GYPC: variants seen among roughly 807,000 people sequenced by gnomAD.
The protein encoded by GYPC is glycophorin C (Gerbich blood group), also known as glycophorin-C.
Under a neutral mutation model 12.6 loss-of-function variants are expected in GYPC, and 14 were observed. The observed-to-expected ratio is 1.11, with a 90% CI of 0.74 to 1.74. GYPC has a LOEUF of 1.74. Among genes scored for constraint, GYPC ranks in the 40% most tolerant of loss-of-function variants. The probability of loss-of-function intolerance (pLI) is 0.00; values close to 1 mark genes in which losing one functional copy is unlikely to be tolerated. For missense variants in GYPC, 225 were observed against 172.1 expected (o/e 1.31, Z -1.72); for synonymous variants, 78 against 62.1 (o/e 1.26, Z -1.20).
At position 126,681,076 on chromosome 2, in the gene GYPC, T is replaced by G. The variant is rs140127691; in HGVS notation, c.50-9179T>G. ...TTTCTTCACTGTAAAAATAACACGT[T>G]TTTTGTAGATGACTTGGAAAATACA... On this transcript the variant is annotated intron_variant, in intron 1 of 3. Coordinates refer to ENST00000259254, the MANE Select transcript of GYPC (RefSeq NM_002101.5). Among the ~76,000 whole-genome samples, 843 of 152,318 alleles carry G rather than the reference T, an allele frequency of 5.5e-3. 2 individuals are homozygous for G. The highest frequency in any genetic ancestry group is 0.014 in the Middle Eastern group (4 of 294).
At chr2:126,677,136 TTGTG>T in intron 1 of GYPC, among the ~76,000 whole-genome samples, 1 of 151,432 alleles carries the variant, frequency 6.6e-6, no homozygotes, top group East Asian at 2.0e-4. Context: ...GTGTGCATGT[TTGTG>T]TGTGCACCTG....
At chr2:126,684,302 C>T (rs1015878643) in intron 1 of GYPC, among the ~76,000 whole-genome samples, 2 of 152,202 alleles carry the variant, frequency 1.3e-5, no homozygotes, top group African/African-American at 4.8e-5. Context: ...GCTTTATGCA[C>T]AGATAGGAAG....
At chr2:126,670,911 C>G (rs1270680114) in intron 1 of GYPC, among the ~76,000 whole-genome samples, 1 of 152,210 alleles carries the variant, frequency 6.6e-6, no homozygotes, top group Non-Finnish European at 1.5e-5. Context: ...TGAATCTTTG[C>G]CATAGAGACC....
intron 1 of GYPC, among the ~76,000 whole-genome samples, chr2:126,677,411 A>C (rs1464769987): frequency 6.7e-6 from 1 of 148,884 alleles, no homozygotes; most frequent in East Asian, 2.0e-4. Context: ...TAGAGTGTGT[A>C]AGTGTGTGAG....
In GYPC at chr2:126,656,240, C is replaced by T. The variant is rs747399461; in HGVS notation, c.-24C>T. ...GCCCGGCCTGGCCAGTCCCCGCGGT[C>T]TCTGCCCGGGCTGACGCCCAGGAAT... is the stretch of plus-strand genomic sequence containing the variant. On this transcript the variant is annotated 5_prime_UTR_variant, in exon 1 of 4. Transcript: ENST00000259254. 2.5e-6 allele frequency: 4 copies of T among 1,595,770 alleles called. No homozygotes were observed. In the African/African-American group the frequency reaches 5.4e-5, roughly 21 times the overall value.
chr2:126,659,767 TTTTC>T (rs921498614), intron 1 of GYPC, among the ~76,000 whole-genome samples: 11 of 151,654 alleles, frequency 7.3e-5, no homozygotes, highest in Non-Finnish European at 1.5e-4. Context: ...TTTCTTTTCT[TTTTC>T]TTTCTTTTCT....
At chr2:126,661,086 C>G (rs1414542790) in intron 1 of GYPC, among the ~76,000 whole-genome samples, 2 of 152,236 alleles carry the variant, frequency 1.3e-5, no homozygotes, top group African/African-American at 2.4e-5. Context: ...ATGGCAGAAA[C>G]TGGCAAGAGC....
At chr2:126,678,944 T>C (rs1254925874) in intron 1 of GYPC, 7 of 152,268 alleles carry the variant, frequency 4.6e-5, no homozygotes, top group Admixed American at 1.3e-4. Context: ...AGAAAAACAC[T>C]TTCCACATCC....
chr2:126,692,958 T>A (rs502963), intron 2 of GYPC, among the ~76,000 whole-genome samples: 15 of 151,798 alleles, frequency 9.9e-5, no homozygotes, highest in Admixed American at 2.0e-4. Flanking sequence ...AGATGGGCCA[T>A]TAACACCAGG....
chr2:126,664,200 T>C (rs2104772688), intron 1 of GYPC, among the ~76,000 whole-genome samples: 1 of 152,182 alleles, frequency 6.6e-6, no homozygotes, highest in South Asian at 2.1e-4. Context: ...TTAAAAAATT[T>C]TCATAGTCTT....
intron 1 of GYPC, among the ~76,000 whole-genome samples, chr2:126,674,393 T>C (rs1488059366): frequency 1.3e-5 from 2 of 152,040 alleles, no homozygotes; most frequent in African/African-American, 4.8e-5. Context: ...CTTTCTGAGA[T>C]ACCAAAGCAA....
intron 3 of GYPC, 36 bp from the exon 4 acceptor site, chr2:126,695,910 C>G (rs372622935): frequency 1.9e-6 from 3 of 1,579,928 alleles, no homozygotes; most frequent in African/African-American, 1.3e-5. Flanking sequence ...AGAGCCCCTG[C>G]CTCAGACTGA....
chr2:126,661,633 G>A (rs1022539486), intron 1 of GYPC, among the ~76,000 whole-genome samples: 2 of 152,102 alleles, frequency 1.3e-5, no homozygotes, highest in Non-Finnish European at 2.9e-5. Context: ...TGTATTTTTA[G>A]TATAGACAGG....
chr2:126,656,853 T>C (rs1359932608), intron 1 of GYPC, among the ~76,000 whole-genome samples: 1 of 152,264 alleles, frequency 6.6e-6, no homozygotes, highest in African/African-American at 2.4e-5. Flanking sequence ...AATTCCTCGC[T>C]GCTGGTTTTC....
In GYPC at chr2:126,661,783, A is replaced by G. The variant is rs576586948; in HGVS notation, c.49+5471A>G. On this transcript the variant is annotated intron_variant, in intron 1 of 3. Transcript: ENST00000259254. ...CCAGATGCCCCTTCTCTTATTGCCA[A>G]AACACTGTGGTCACACACTGCTTGG... 7.2e-5 allele frequency among the ~76,000 whole-genome samples: 11 copies of G among 152,284 alleles called. No individual in the cohort carries two copies. The South Asian group carries it at 2.3e-3, about 32-fold the overall frequency.
Position 126,686,033 on chromosome 2 carries a change from AC to A in GYPC, c.50-4218del, listed in dbSNP as rs1463971882. 4.1e-6 allele frequency: 4 copies of A among 985,272 alleles called. No individual in the cohort carries two copies. In the East Asian group the frequency reaches 4.5e-4, roughly 112 times the overall value. The allele number at this position is 985,272 out of a possible 1,614,324, so 61.0% of individuals were successfully genotyped here. A position where few individuals can be genotyped will look rare whatever the true frequency, so the allele number is the denominator to read the frequency against. ...ACAGGAGGAAGACAGGAAGTGGGGA[AC>A]CCCTTCAACAACTCCTATGGCAGAG... On this transcript the variant is annotated intron_variant, in intron 1 of 3. Transcript: ENST00000259254.
rs1391809621 is a variant in GYPC at position 126,671,481 on chromosome 2, C to T, written c.49+15169C>T. 2.0e-5 allele frequency among the ~76,000 whole-genome samples: 3 copies of T among 152,228 alleles called. No individual in the cohort carries two copies. The East Asian group carries it at 5.8e-4, about 29-fold the overall frequency. Reference sequence around the variant, plus strand: ...GGGCCAGGTGTCAGCTGTGCACTTGCATGCTTCCTTATTGGAACCTCTCCC... The same window carrying T: ...GGGCCAGGTGTCAGCTGTGCACTTGTATGCTTCCTTATTGGAACCTCTCCC... On this transcript the variant is annotated intron_variant, in intron 1 of 3. Coordinates refer to ENST00000259254, the MANE Select transcript of GYPC (RefSeq NM_002101.5).
chr2:126,694,084 T>C, intron 3 of GYPC, 137 bp downstream of exon 3: 1 of 711,560 alleles, frequency 1.4e-6, no homozygotes. Context: ...TGGTTTTGAA[T>C]GTGGAATGGA....
intron 1 of GYPC, among the ~76,000 whole-genome samples, chr2:126,681,443 C>T (rs1392484805): frequency 6.6e-6 from 1 of 152,176 alleles, no homozygotes; most frequent in Non-Finnish European, 1.5e-5. Flanking sequence ...CATCTACTTT[C>T]CCGAGCACGG....
Sources: gnomAD v4.1 joint callset for allele counts (sites outside exome capture counted in the v4.1 genomes callset) on GRCh38, gnomAD v4.1.1 for gene constraint, MANE v1.5 for transcripts, NCBI Gene and HGNC (gene_info 2026-07-23, HGNC 2026-07-21) for gene names.